Variants in CNTNAP5 observed in about 807,000 individuals in gnomAD.
CNTNAP5 encodes the protein contactin associated protein family member 5, also known as contactin-associated protein-like 5.
A neutral mutation model predicts 150.2 loss-of-function variants in CNTNAP5; 72 were observed. The ratio of observed to expected loss-of-function variants is 0.48; its 90% CI spans 0.40 to 0.58. The LOEUF (loss-of-function observed/expected upper bound fraction) is 0.58. Ranked by LOEUF, CNTNAP5 falls within the 20% of genes least tolerant of loss-of-function variation. The probability of loss-of-function intolerance (pLI) is 0.00; values close to 1 mark genes in which losing one functional copy is unlikely to be tolerated. For missense variants in CNTNAP5, 1,636 were observed against 1,626.2 expected (o/e 1.01, Z -0.10); for synonymous variants, 672 against 619.8 (o/e 1.08, Z -1.25).
rs867415053 is a variant in CNTNAP5, at chr2:124,740,276, A to T, written c.2078-6953A>T. 7.9e-5 allele frequency among the ~76,000 whole-genome samples: 12 copies of T among 152,306 alleles called. No individual in the cohort carries two copies. In the South Asian group the frequency reaches 1.7e-3, roughly 21 times the overall value. On this transcript the variant is annotated intron_variant, in intron 13 of 23. Coordinates refer to ENST00000682447, the MANE Select transcript of CNTNAP5 (RefSeq NM_001367498.1). ...GGTTTCATTAGGTTACAGTTAAGTG[A>T]CCAGTTGTGAGAATAGTTTCTTCAA...
At chr2:124,356,886 A>T (rs1440031138) in intron 3 of CNTNAP5, among the ~76,000 whole-genome samples, 1 of 151,666 alleles carries the variant, frequency 6.6e-6, no homozygotes, top group East Asian at 1.9e-4. Context: ...CGCCACACTG[A>T]CTTCCACAAT....
chr2:124,614,496 G>C (rs1027577869), intron 12 of CNTNAP5, among the ~76,000 whole-genome samples: 1 of 152,148 alleles, frequency 6.6e-6, no homozygotes, highest in African/African-American at 2.4e-5. Flanking sequence ...CTAAACAAGG[G>C]GGGATTTATC....
At chr2:124,035,325 A>C (rs1681184026) in intron 1 of CNTNAP5, among the ~76,000 whole-genome samples, 1 of 151,404 alleles carries the variant, frequency 6.6e-6, no homozygotes, top group Non-Finnish European at 1.5e-5. Flanking sequence ...CAAGTTGCTG[A>C]TCTGCTTTCT....
At chr2:124,312,983 G>A (rs915071992) in intron 3 of CNTNAP5, among the ~76,000 whole-genome samples, 1 of 152,212 alleles carries the variant, frequency 6.6e-6, no homozygotes, top group African/African-American at 2.4e-5. Context: ...GGGATTACAG[G>A]CGTGAGCCAC....
chr2:124,577,682 A>G (rs1343109807), intron 11 of CNTNAP5, among the ~76,000 whole-genome samples: 2 of 152,164 alleles, frequency 1.3e-5, no homozygotes, highest in Admixed American at 1.3e-4. Context: ...TAAATTGAAT[A>G]TAGGAAATGG....
intron 21 of CNTNAP5, among the ~76,000 whole-genome samples, chr2:124,879,309 C>T (rs532913532): frequency 1.3e-5 from 2 of 152,178 alleles, no homozygotes; most frequent in East Asian, 3.9e-4. Flanking sequence ...TGAAGGAAAA[C>T]ACACACAGGC....
chr2:124,280,903 G>T (rs1297604324), intron 3 of CNTNAP5, among the ~76,000 whole-genome samples: 1 of 152,088 alleles, frequency 6.6e-6, no homozygotes, highest in Non-Finnish European at 1.5e-5. Flanking sequence ...TAACTACTTT[G>T]GTTTAGACCT....
chr2:124,254,469 G>A (rs1415350874), intron 3 of CNTNAP5, among the ~76,000 whole-genome samples: 1 of 152,152 alleles, frequency 6.6e-6, no homozygotes, highest in East Asian at 1.9e-4. Context: ...TGCTAAGCAT[G>A]CTCCCAGGAT....
chr2:124,390,171 C>CAT (rs1691074125), intron 3 of CNTNAP5, among the ~76,000 whole-genome samples: 1 of 152,186 alleles, frequency 6.6e-6, no homozygotes, highest in Non-Finnish European at 1.5e-5. Flanking sequence ...TAGACCCTCT[C>CAT]CCTGGCTCTA....
chr2:124,727,091 C>T (rs544492725), intron 13 of CNTNAP5, among the ~76,000 whole-genome samples: 22 of 152,182 alleles, frequency 1.4e-4, no homozygotes, highest in African/African-American at 4.1e-4. Flanking sequence ...ATTGAAAAGA[C>T]TGACCTTTCA....
chr2:124,269,088 T>TA (rs150767198), intron 3 of CNTNAP5, among the ~76,000 whole-genome samples: 215 of 152,090 alleles, frequency 1.4e-3, no homozygotes, highest in African/African-American at 4.8e-3. Flanking sequence ...CTAAGGGAAA[T>TA]ACTACCACCT....
At chr2:124,031,140 T>TACACAC (rs35707474) in intron 1 of CNTNAP5, among the ~76,000 whole-genome samples, 3 of 150,326 alleles carry the variant, frequency 2.0e-5, no homozygotes, top group South Asian at 2.1e-4. Context: ...CCGCTATACA[T>TACACAC]ACACACACAC....
intron 1 of CNTNAP5, among the ~76,000 whole-genome samples, chr2:124,157,462 T>A: frequency 6.6e-6 from 1 of 152,334 alleles, no homozygotes; most frequent in African/African-American, 2.4e-5. Context: ...GGTTTCCTAG[T>A]TTTCCCACCT....
chr2:124,711,375 C>G (rs1373457777), intron 13 of CNTNAP5, among the ~76,000 whole-genome samples: 1 of 152,070 alleles, frequency 6.6e-6, no homozygotes, highest in Non-Finnish European at 1.5e-5. Context: ...TCTCCATGCC[C>G]CCAACATCCA....
At chr2:124,800,591 A>G (rs1263811008) in intron 19 of CNTNAP5, among the ~76,000 whole-genome samples, 1 of 152,156 alleles carries the variant, frequency 6.6e-6, no homozygotes, top group East Asian at 1.9e-4. Context: ...GGGCTAAACT[A>G]AGAGTGTTTT....
At chr2:124,045,750 T>C (rs1028990920) in intron 1 of CNTNAP5, among the ~76,000 whole-genome samples, 8 of 152,210 alleles carry the variant, frequency 5.3e-5, no homozygotes, top group African/African-American at 1.9e-4. Flanking sequence ...ACAATCTCTA[T>C]TACTGGCTTT....
chr2:124,559,263 C>CT (rs1041410496), intron 10 of CNTNAP5, among the ~76,000 whole-genome samples: 3 of 151,820 alleles, frequency 2.0e-5, no homozygotes, highest in South Asian at 2.1e-4. Context: ...AACCCTCTGA[C>CT]TTTTTTTTTC....
rs141179425 is a variant in CNTNAP5, at chr2:124,861,408, A to G, written c.3218-3898A>G. Among the ~76,000 whole-genome samples, 1,125 of 151,994 alleles carry G rather than the reference A, an allele frequency of 7.4e-3. 9 individuals carry two copies. The highest frequency in any genetic ancestry group is 0.026 in the African/African-American group (1,064 of 41,436). On this transcript the variant is annotated intron_variant, in intron 19 of 23. Coordinates refer to ENST00000682447, the MANE Select transcript of CNTNAP5 (RefSeq NM_001367498.1). The stretch of plus-strand genomic sequence containing the variant: ...GCCAAGATGGTGAAACTGCAAGTCT[A>G]CTAAAAATACAAAAATAAATAAATA...
chr2:124,322,788 C>A (rs570416455), intron 3 of CNTNAP5, among the ~76,000 whole-genome samples: 1 of 152,244 alleles, frequency 6.6e-6, no homozygotes, highest in South Asian at 2.1e-4. Context: ...CCATCACTTC[C>A]TTCTGGATCC....
Sources: gnomAD v4.1 joint callset for allele counts (sites outside exome capture counted in the v4.1 genomes callset) on GRCh38, gnomAD v4.1.1 for gene constraint, MANE v1.5 for transcripts, NCBI Gene and HGNC (gene_info 2026-07-23, HGNC 2026-07-21) for gene names.